Variants in CRYBG1 observed in about 807,000 individuals in gnomAD.
CRYBG1 encodes crystallin beta-gamma domain containing 1.
Under a neutral mutation model 189.2 loss-of-function variants are expected in CRYBG1, and 139 were observed. The ratio of observed to expected loss-of-function variants is 0.73; its 90% CI spans 0.64 to 0.85. The LOEUF (loss-of-function observed/expected upper bound fraction) is 0.85, where lower values mean the gene tolerates loss of function less well. Among genes scored for constraint, CRYBG1 ranks in the 40% least tolerant of loss-of-function variants. The pLI is 0.00. For missense variants in CRYBG1, 2,611 were observed against 2,675.8 expected (o/e 0.98, Z 0.53); for synonymous variants, 1,023 against 1,017.1 (o/e 1.01, Z -0.11).
chr6:106,379,829 C>G (rs775814114), intron 1 of CRYBG1, among the ~76,000 whole-genome samples: 18 of 152,188 alleles, frequency 1.2e-4, no homozygotes, highest in Non-Finnish European at 2.1e-4. Flanking sequence ...ATCCTCCTGC[C>G]TTGGCCTCCC....
At chr6:106,375,817 C>G (rs1770151817) in intron 1 of CRYBG1, among the ~76,000 whole-genome samples, 1 of 152,114 alleles carries the variant, frequency 6.6e-6, no homozygotes, top group Non-Finnish European at 1.5e-5. Context: ...TACCAAGATC[C>G]CCTGTGAATT....
chr6:106,561,455 C>T lies in CRYBG1; in HGVS notation c.6093C>T (p.Ala2031=), dbSNP rs577215658. 5.9e-5 allele frequency: 96 copies of T among 1,613,882 alleles called. No individual in the cohort carries two copies. The highest frequency in any genetic ancestry group is 8.0e-5 in the African/African-American group (6 of 74,990). The change falls in exon 20 of 22, where the codon GCC becomes GCT. Residue 2031 remains alanine, a synonymous_variant. Transcript: ENST00000633556. ...LRIQVMEDVG[A]DDQIWIYQEG... is the part of the protein sequence containing the mutation. ...TACAGGTCATGGAGGATGTCGGGGC[C>T]GATGATCAGATTTGGATCTATCAAG...
At chr6:106,387,793 C>A (rs1460669248) in intron 1 of CRYBG1, among the ~76,000 whole-genome samples, 1 of 151,916 alleles carries the variant, frequency 6.6e-6, no homozygotes, top group African/African-American at 2.4e-5. Context: ...ATTATGAAGA[C>A]CCATAAAAAT....
At chr6:106,522,370 C>T (rs1773630488) in intron 4 of CRYBG1, among the ~76,000 whole-genome samples, 1 of 152,098 alleles carries the variant, frequency 6.6e-6, no homozygotes, top group Non-Finnish European at 1.5e-5. Context: ...CCCTGCAAAG[C>T]TGTGGGGAAT....
Position 106,482,602 on chromosome 6 carries a change from C to T in CRYBG1, c.313-28828C>T, listed in dbSNP as rs1044358128. ...CATCCTGGCTAACACCGTGAAACCC[C>T]GTCTCTACTAAAAATACAAAAAATT... On this transcript the variant is annotated intron_variant, in intron 2 of 21. Coordinates refer to ENST00000633556, the MANE Select transcript of CRYBG1 (RefSeq NM_001371242.2). Among the ~76,000 whole-genome samples the T allele has an allele frequency of 4.9e-4, 74 of 151,898 alleles. 1 individual carries two copies. Among genetic ancestry groups the T allele is most frequent in the Non-Finnish European group, 3.5e-4 (24 of 67,978 alleles).
At chr6:106,524,608 A>G (rs1773691291) in intron 4 of CRYBG1, among the ~76,000 whole-genome samples, 1 of 152,220 alleles carries the variant, frequency 6.6e-6, no homozygotes, top group Non-Finnish European at 1.5e-5. Context: ...AATGTACATT[A>G]TGAAATATAC....
chr6:106,521,244 C>G lies in CRYBG1; in HGVS notation c.4036C>G (p.Arg1346Gly). 6.2e-7 allele frequency: 1 copy of G among 1,613,978 alleles called. No homozygotes were observed. ...GAAAACCAAAGAAGATCTGGATTCACGAAGCAACCTACACTTGCCAGAAAC... is the reference window on the plus strand; with the variant it reads ...GAAAACCAAAGAAGATCTGGATTCAGGAAGCAACCTACACTTGCCAGAAAC... ...KEKTKEDLDS[R>G]SNLHLPETKF... is the part of the protein sequence containing the mutation. The change falls in exon 4 of 22, where the codon CGA (arginine) becomes GGA (glycine). Residue 1346 changes from arginine (R) to glycine (G), a missense_variant. Coordinates refer to ENST00000633556, the MANE Select transcript of CRYBG1 (RefSeq NM_001371242.2).
chr6:106,411,053 C>T (rs946827952), intron 1 of CRYBG1, among the ~76,000 whole-genome samples: 3 of 151,900 alleles, frequency 2.0e-5, no homozygotes, highest in Non-Finnish European at 2.9e-5. Flanking sequence ...CATAAAAATG[C>T]TAAAGGTAGA....
rs180855020 is a variant in CRYBG1, at chr6:106,361,092, C to A, written c.173+11C>A. ...TGCCGGAGAGGCCAGGTGAGCTCCTCGCCCGAGCCCTCCAGTCCCACCTCC... is the reference window on the plus strand; with the variant it reads ...TGCCGGAGAGGCCAGGTGAGCTCCTAGCCCGAGCCCTCCAGTCCCACCTCC... On this transcript the variant is annotated intron_variant, in intron 1 of 21. Transcript: ENST00000633556. 4.1e-4 allele frequency: 634 copies of A among 1,533,978 alleles called. 7 individuals are homozygous for A. The East Asian group carries it at 0.012, about 30-fold the overall frequency.
chr6:106,404,579 T>TG (rs1013002591), intron 1 of CRYBG1, among the ~76,000 whole-genome samples: 3 of 152,010 alleles, frequency 2.0e-5, no homozygotes, highest in Non-Finnish European at 2.9e-5. Context: ...ATTAGAAATG[T>TG]GGGGGGCTGG....
At chr6:106,533,808 T>A (rs1180876028) in intron 8 of CRYBG1, among the ~76,000 whole-genome samples, 1 of 152,084 alleles carries the variant, frequency 6.6e-6, no homozygotes, top group African/African-American at 2.4e-5. Context: ...CAACTGCAAA[T>A]TCAAGTAAGT....
intron 2 of CRYBG1, among the ~76,000 whole-genome samples, chr6:106,481,953 G>A (rs1772470758): frequency 6.8e-6 from 1 of 147,008 alleles, no homozygotes; most frequent in Admixed American, 6.9e-5. Context: ...ACCCATTTCT[G>A]TACTTTCTTA....
intron 1 of CRYBG1, among the ~76,000 whole-genome samples, chr6:106,391,075 T>C (rs1770490698): frequency 6.6e-6 from 1 of 152,196 alleles, no homozygotes; most frequent in South Asian, 2.1e-4. Flanking sequence ...TGTCAGTTCT[T>C]TCTTTTTTTT....
At chr6:106,386,071 AG>A (rs1315290532) in intron 1 of CRYBG1, among the ~76,000 whole-genome samples, 1 of 152,230 alleles carries the variant, frequency 6.6e-6, no homozygotes, top group Non-Finnish European at 1.5e-5. Context: ...GCAGTTTTGA[AG>A]GTTTCATGGC....
intron 1 of CRYBG1, among the ~76,000 whole-genome samples, chr6:106,387,254 A>G (rs1026076134): frequency 1.3e-5 from 2 of 152,146 alleles, no homozygotes; most frequent in South Asian, 2.1e-4. Context: ...CCATAGTAAG[A>G]CTGTCACTGG....
intron 1 of CRYBG1, among the ~76,000 whole-genome samples, chr6:106,392,263 C>G (rs1372730708): frequency 6.6e-6 from 1 of 152,096 alleles, no homozygotes; most frequent in Non-Finnish European, 1.5e-5. Flanking sequence ...GCCTGCTTCT[C>G]CCCTGCCACA....
intron 1 of CRYBG1, among the ~76,000 whole-genome samples, chr6:106,388,177 GA>G (rs1770427836): frequency 6.6e-6 from 1 of 152,190 alleles, no homozygotes; most frequent in African/African-American, 2.4e-5. Context: ...CACAATAGTA[GA>G]GGGGTAAATC....
In CRYBG1 at chr6:106,543,358, T is replaced by G. The variant is rs139829192; in HGVS notation, c.4882-82T>G. On this transcript the variant is annotated intron_variant, in intron 10 of 21. Transcript: ENST00000633556. ...AAATTTTAATTTGTGTGTCAGGACT[T>G]AGTGATATTAAATGACTGATTTAAT... is the stretch of plus-strand genomic sequence containing the variant. The G allele has an allele frequency of 4.5e-3, 6,198 of 1,370,668 alleles. 20 individuals are homozygous for G. The highest frequency in any genetic ancestry group is 5.8e-3 in the Non-Finnish European group (5,733 of 982,808). The allele number at this position is 1,370,668 out of a possible 1,614,324, so 84.9% of individuals were successfully genotyped here. A position where few individuals can be genotyped will look rare whatever the true frequency, so the allele number is the denominator to read the frequency against.
At chr6:106,402,176 T>G (rs1224379752) in intron 1 of CRYBG1, among the ~76,000 whole-genome samples, 1 of 120,984 alleles carries the variant, frequency 8.3e-6, no homozygotes, top group Non-Finnish European at 1.7e-5. Flanking sequence ...GAACATTCCA[T>G]GCTCATGGGT....
Sources: gnomAD v4.1 joint callset for allele counts (sites outside exome capture counted in the v4.1 genomes callset) on GRCh38, gnomAD v4.1.1 for gene constraint, MANE v1.5 for transcripts, NCBI Gene and HGNC (gene_info 2026-07-23, HGNC 2026-07-21) for gene names.